FOCAD: variants seen among roughly 807,000 people sequenced by gnomAD.
The protein encoded by FOCAD is KIAA1797.
FOCAD carries 198 observed loss-of-function variants against 225.6 expected under a neutral mutation model. That is an observed-to-expected ratio of 0.88 (90% CI 0.78 to 0.99). The LOEUF (loss-of-function observed/expected upper bound fraction) is 0.99. Ranked by LOEUF, FOCAD falls within the 50% of genes least tolerant of loss-of-function variation. The pLI, the probability that FOCAD is intolerant of heterozygous loss-of-function variation, is 0.00. For synonymous variants in FOCAD, 897 were observed against 755.0 expected (o/e 1.19, Z -3.08); for missense variants, 2,713 against 2,123.6 (o/e 1.28, Z -5.46).
chr9:20,847,760 A>C (rs1394042655), intron 15 of FOCAD, among the ~76,000 whole-genome samples: 24 of 152,096 alleles, frequency 1.6e-4, no homozygotes, highest in Admixed American at 1.6e-3. Context: ...AATTTAAGTG[A>C]GTGAATAGAA....
intron 10 of FOCAD, among the ~76,000 whole-genome samples, chr9:20,785,024 C>T (rs1029588475): frequency 1.3e-5 from 2 of 151,892 alleles, no homozygotes; most frequent in Non-Finnish European, 2.9e-5. Flanking sequence ...CAACAAAACA[C>T]CCCCTTCATG....
intron 1 of FOCAD, among the ~76,000 whole-genome samples, chr9:20,713,623 A>AT (rs1424367494): frequency 1.3e-5 from 2 of 152,150 alleles, no homozygotes; most frequent in African/African-American, 4.8e-5. Flanking sequence ...AAATGCAGAG[A>AT]TTTTTTGCCT....
chr9:20,869,501 C>T (rs996569834), intron 18 of FOCAD, among the ~76,000 whole-genome samples: 2 of 151,992 alleles, frequency 1.3e-5, no homozygotes, highest in African/African-American at 4.8e-5. Context: ...AGTTAACAGA[C>T]TGGTAGAACA....
At chr9:20,949,706 G>GA in intron 33 of FOCAD, 31 bp downstream of exon 33, 1 of 1,508,380 alleles carries the variant, frequency 6.6e-7, no homozygotes, top group Non-Finnish European at 9.2e-7. Context: ...TCCTTGGGTG[G>GA]AAAACATATC....
chr9:20,819,829 T>C lies in FOCAD; in HGVS notation c.1489T>C (p.Leu497=). 6.5e-7 allele frequency: 1 copy of C among 1,539,010 alleles called. No individual in the cohort carries two copies. Among genetic ancestry groups the C allele is most frequent in the Non-Finnish European group, 8.7e-7 (1 of 1,145,228 alleles). ...PNLIPVLMFK[L]GRPLEPILYN... is the part of the protein sequence containing the mutation. ...TCTGATTCCAGTTTTGATGTTCAAA[T>C]TGGGAAGACCACTGGAACCTATATT... Residue 497 remains leucine (L), a synonymous_variant, in exon 12 of 44, where the codon TTG becomes CTG. Coordinates refer to ENST00000338382, the MANE Select transcript of FOCAD (RefSeq NM_001375567.1).
intron 11 of FOCAD, among the ~76,000 whole-genome samples, chr9:20,809,528 C>G (rs1163930142): frequency 6.6e-6 from 1 of 152,102 alleles, no homozygotes; most frequent in Admixed American, 6.6e-5. Context: ...GCTCTAGAAT[C>G]TCTCTCTTCT....
chr9:20,953,017 A>G lies in FOCAD; in HGVS notation c.4084A>G (p.Ser1362Gly), dbSNP rs766894931. 2 of 1,613,676 alleles carry G rather than the reference A, an allele frequency of 1.2e-6. No homozygotes were observed. Among genetic ancestry groups the G allele is most frequent in the Admixed American group, 3.3e-5 (2 of 59,958 alleles). ...TGACTATAGCTACTTGCCTGAAAGCAGTTTTATTGGAGCAGCTATTGGCTT... is the reference window on the plus strand; with the variant it reads ...TGACTATAGCTACTTGCCTGAAAGCGGTTTTATTGGAGCAGCTATTGGCTT... ...PTDYSYLPES[S>G]FIGAAIGFFI... Residue 1362 changes from serine to glycine, a missense_variant, in exon 35 of 44, where the codon AGT becomes GGT. Physicochemically the swap from Ser to Gly is moderately conservative, Grantham distance 56. Transcript: ENST00000338382.
chr9:20,934,361 G>T (rs7865715), intron 28 of FOCAD, among the ~76,000 whole-genome samples: 93,452 of 151,880 alleles, frequency 0.62, 29,026 homozygotes, highest in South Asian at 0.7. Flanking sequence ...AAGTCCTTGA[G>T]CCATCTTGAG....
chr9:20,781,135 A>G (rs73438345), intron 9 of FOCAD, among the ~76,000 whole-genome samples: 1,586 of 152,360 alleles, frequency 0.01, 29 homozygotes, highest in African/African-American at 0.036. Flanking sequence ...GAGACTCTAC[A>G]TGTAAATCAG....
intron 6 of FOCAD, among the ~76,000 whole-genome samples, chr9:20,759,394 C>G (rs1371797517): frequency 6.6e-6 from 1 of 152,142 alleles, no homozygotes; most frequent in Non-Finnish European, 1.5e-5. Context: ...ACAGAGCCTT[C>G]AGAAATAACG....
intron 21 of FOCAD, among the ~76,000 whole-genome samples, chr9:20,892,574 G>A (rs1425057975): frequency 6.6e-6 from 1 of 152,106 alleles, no homozygotes; most frequent in African/African-American, 2.4e-5. Context: ...AGTAGAGCCT[G>A]AGGATGTGAC....
At chr9:20,896,669 T>G (rs1832115477) in intron 21 of FOCAD, among the ~76,000 whole-genome samples, 1 of 151,950 alleles carries the variant, frequency 6.6e-6, no homozygotes, top group Non-Finnish European at 1.5e-5. Flanking sequence ...TATATATTAT[T>G]TCCTTATTAT....
At chr9:20,819,590 T>G (rs1824098051) in intron 11 of FOCAD, among the ~76,000 whole-genome samples, 1 of 152,106 alleles carries the variant, frequency 6.6e-6, no homozygotes, top group Non-Finnish European at 1.5e-5. Flanking sequence ...ACTTTTCGAT[T>G]GGTGTTTGGC....
intron 29 of FOCAD, 60 bp from the exon 30 acceptor site, chr9:20,946,641 A>T (rs1837209917): frequency 1.3e-6 from 2 of 1,558,094 alleles, no homozygotes; most frequent in Non-Finnish European, 1.7e-6. Flanking sequence ...TTGTCAACTA[A>T]ACCGAGTTCT....
At chr9:20,877,905 C>T (rs577854422) in intron 19 of FOCAD, among the ~76,000 whole-genome samples, 1 of 151,680 alleles carries the variant, frequency 6.6e-6, no homozygotes, top group Non-Finnish European at 1.5e-5. Context: ...GACTCCATCT[C>T]AAAAAAACAA....
intron 28 of FOCAD, among the ~76,000 whole-genome samples, chr9:20,942,927 AC>A (rs1836813959): frequency 6.6e-6 from 1 of 152,230 alleles, no homozygotes; most frequent in Admixed American, 6.5e-5. Context: ...TGAGGAAGTA[AC>A]ATTTGAAATC....
chr9:20,971,633 A>G (rs1401320730), intron 35 of FOCAD, among the ~76,000 whole-genome samples: 1 of 151,954 alleles, frequency 6.6e-6, no homozygotes, highest in Non-Finnish European at 1.5e-5. Flanking sequence ...TAGAGATGAG[A>G]TGGAATTTCT....
chr9:20,768,370 A>G (rs1281768077), intron 7 of FOCAD, among the ~76,000 whole-genome samples: 1 of 152,112 alleles, frequency 6.6e-6, no homozygotes, highest in African/African-American at 2.4e-5. Flanking sequence ...GAAGAAAGTC[A>G]TTGGTAGCTT....
At chr9:20,777,979 A>C (rs1323617910) in intron 8 of FOCAD, among the ~76,000 whole-genome samples, 10 of 149,208 alleles carry the variant, frequency 6.7e-5, no homozygotes, top group African/African-American at 2.5e-4. Flanking sequence ...AGTCCCAGCT[A>C]CTCGGGAGGC....
Sources: allele counts gnomAD v4.1 joint callset (sites outside exome capture counted in the v4.1 genomes callset), GRCh38; gene constraint gnomAD v4.1.1; transcripts MANE v1.5; gene names NCBI Gene and HGNC (gene_info 2026-07-23, HGNC 2026-07-21).